The following DACH1 variants were observed in gnomAD, a reference collection of about 807,000 sequenced individuals.
DACH1 encodes the protein dachshund family transcription factor 1.
In DACH1, 12 loss-of-function variants were observed where a neutral mutation model predicts 54.2. The observed-to-expected ratio is 0.22, with a 90% confidence interval of 0.14 to 0.36. The LOEUF (loss-of-function observed/expected upper bound fraction) is 0.36, where lower values mean the gene tolerates loss of function less well. Among genes scored for constraint, DACH1 ranks in the 10% least tolerant of loss-of-function variants. The probability of loss-of-function intolerance (pLI) is 1.00; values close to 1 mark genes in which losing one functional copy is unlikely to be tolerated. For synonymous variants in DACH1, 386 were observed against 366.2 expected (o/e 1.05, Z -0.62); for missense variants, 805 against 929.8 (o/e 0.87, Z 1.75).
intron 6 of DACH1, 96 bp from the exon 7 acceptor site, chr13:71,489,244 A>G: frequency 2.9e-6 from 4 of 1,361,196 alleles, no homozygotes; most frequent in Middle Eastern, 2.0e-4. Flanking sequence ...CAGAACATTT[A>G]TTGCAAATTG....
intron 6 of DACH1, among the ~76,000 whole-genome samples, chr13:71,513,360 G>C (rs1464368078): frequency 2.0e-5 from 3 of 151,894 alleles, no homozygotes; most frequent in African/African-American, 7.2e-5. Flanking sequence ...ATTGTACCAA[G>C]AAAATTGCTT....
At chr13:71,543,827 G>A (rs1883295567) in intron 6 of DACH1, among the ~76,000 whole-genome samples, 1 of 152,046 alleles carries the variant, frequency 6.6e-6, no homozygotes, top group Non-Finnish European at 1.5e-5. Context: ...ACTAAGAAAG[G>A]CACTTGATCC....
At chr13:71,443,941 A>T (rs910465446) in intron 10 of DACH1, among the ~76,000 whole-genome samples, 3 of 152,100 alleles carry the variant, frequency 2.0e-5, no homozygotes, top group African/African-American at 7.2e-5. Flanking sequence ...TTGTTTTCGT[A>T]TGGAATATGG....
Position 71,439,972 on chromosome 13 carries a change from AC to A in DACH1, c.*682del, listed in dbSNP as rs1351481656. On this transcript the variant is annotated 3_prime_UTR_variant, in exon 11 of 11. Transcript: ENST00000613252. ...TTTTTTTTATTTTTAAGAAAAAAAAACCTTCAGTGAAAGCTTTTGGCTTATA... is the reference window on the plus strand; with the variant it reads ...TTTTTTTTATTTTTAAGAAAAAAAAACTTCAGTGAAAGCTTTTGGCTTATA... The A allele has an allele frequency of 1.3e-5, 2 of 151,986 alleles. No individual in the cohort carries two copies. Among genetic ancestry groups the A allele is most frequent in the African/African-American group, 4.8e-5 (2 of 41,336 alleles). 9.4% of individuals were successfully genotyped at this position (151,986 alleles called of 1,614,324 possible).
intron 1 of DACH1, among the ~76,000 whole-genome samples, chr13:71,735,310 G>GTA (rs1483625192): frequency 3.9e-4 from 16 of 40,910 alleles, no homozygotes; most frequent in African/African-American, 7.3e-4. Flanking sequence ...CGGGATATAC[G>GTA]TGTATATGGG....
At position 71,743,931 on chromosome 13, in the gene DACH1, A is replaced by G. The variant is rs527867265; in HGVS notation, c.849-62021T>C. 2.4e-4 allele frequency among the ~76,000 whole-genome samples: 37 copies of G among 152,270 alleles called. 1 individual carries two copies. In the South Asian group the frequency reaches 7.7e-3, roughly 32 times the overall value. ...AGAAAGATTTTTTCAGGTTGATAAA[A>G]GCCCCCAACCCTGGAAAGTAAAAAC... On this transcript the variant is annotated intron_variant, in intron 1 of 10. Coordinates refer to ENST00000613252, the MANE Select transcript of DACH1 (RefSeq NM_080759.6).
intron 1 of DACH1, among the ~76,000 whole-genome samples, chr13:71,788,390 T>A (rs1886693362): frequency 6.6e-6 from 1 of 152,154 alleles, no homozygotes; most frequent in Admixed American, 6.6e-5. Flanking sequence ...TGTGTGAGTA[T>A]CTGTGTTTAT....
At chr13:71,736,265 T>C (rs1884113320) in intron 1 of DACH1, among the ~76,000 whole-genome samples, 2 of 152,166 alleles carry the variant, frequency 1.3e-5, no homozygotes, top group Admixed American at 1.3e-4. Context: ...CACCTTAGAA[T>C]AGATTACCAT....
chr13:71,773,388 A>G (rs1885938533), intron 1 of DACH1, among the ~76,000 whole-genome samples: 1 of 151,928 alleles, frequency 6.6e-6, no homozygotes, highest in Non-Finnish European at 1.5e-5. Context: ...TGTGAATGTA[A>G]GTTTTATATT....
chr13:71,774,337 C>A (rs1273375499), intron 1 of DACH1, among the ~76,000 whole-genome samples: 1 of 152,068 alleles, frequency 6.6e-6, no homozygotes, highest in African/African-American at 2.4e-5. Context: ...CTATATTTCT[C>A]AGTATGGAGG....
intron 10 of DACH1, among the ~76,000 whole-genome samples, chr13:71,452,326 C>T (rs763291466): frequency 1.1e-4 from 16 of 152,018 alleles, no homozygotes; most frequent in Non-Finnish European, 2.2e-4. Flanking sequence ...CAGGGTTTCA[C>T]CTTGTTGCCC....
chr13:71,636,031 G>A (rs1232056211), intron 2 of DACH1, among the ~76,000 whole-genome samples: 2 of 152,054 alleles, frequency 1.3e-5, no homozygotes, highest in Admixed American at 6.6e-5. Flanking sequence ...TGATCCACCC[G>A]TCTCAGCTTC....
intron 1 of DACH1, among the ~76,000 whole-genome samples, chr13:71,742,717 T>C (rs1003007280): frequency 2.0e-5 from 3 of 152,148 alleles, no homozygotes; most frequent in Non-Finnish European, 2.9e-5. Context: ...CTTCATCTTA[T>C]ACATTTTTTT....
intron 1 of DACH1, among the ~76,000 whole-genome samples, chr13:71,863,967 A>G (rs1334832624): frequency 2.0e-5 from 3 of 151,970 alleles, no homozygotes; most frequent in Non-Finnish European, 2.9e-5. Flanking sequence ...ACTAGCTTCA[A>G]ATTTCACCTA....
chr13:71,790,409 A>C (rs2138092368), intron 1 of DACH1, among the ~76,000 whole-genome samples: 1 of 152,300 alleles, frequency 6.6e-6, no homozygotes, highest in African/African-American at 2.4e-5. Context: ...TTGACGCTTA[A>C]GAAAAACGAG....
At chr13:71,816,587 TATATACACACATA>T in intron 1 of DACH1, among the ~76,000 whole-genome samples, 1 of 103,584 alleles carries the variant, frequency 9.7e-6, no homozygotes, top group Admixed American at 1.1e-4. Context: ...TACACGTATA[TATATACACACATA>T]TGTGTGTATA....
At chr13:71,511,934 T>C (rs1880806326) in intron 6 of DACH1, among the ~76,000 whole-genome samples, 1 of 151,988 alleles carries the variant, frequency 6.6e-6, no homozygotes, top group East Asian at 1.9e-4. Flanking sequence ...CCTTGGGTCC[T>C]GCTTCTAGTA....
At chr13:71,854,313 CA>C (rs113440183) in intron 1 of DACH1, among the ~76,000 whole-genome samples, 22 of 145,662 alleles carry the variant, frequency 1.5e-4, no homozygotes, top group East Asian at 8.0e-4. Flanking sequence ...ACTAGAGTTT[CA>C]AAAAAAAAAT....
intron 1 of DACH1, among the ~76,000 whole-genome samples, chr13:71,792,315 G>T (rs1036630758): frequency 4.3e-4 from 65 of 149,502 alleles, no homozygotes; most frequent in Non-Finnish European, 8.7e-4. Flanking sequence ...TAAAGGAAAT[G>T]TGAGTTCTAA....
Sources: allele counts gnomAD v4.1 joint callset (sites outside exome capture counted in the v4.1 genomes callset), GRCh38; gene constraint gnomAD v4.1.1; transcripts MANE v1.5; gene names NCBI Gene and HGNC (gene_info 2026-07-23, HGNC 2026-07-21).